ZFP91: variants seen among roughly 807,000 people sequenced by gnomAD.
ZFP91 encodes the protein E3 ubiquitin-protein ligase ZFP91.
A neutral mutation model predicts 63.5 loss-of-function variants in ZFP91; 7 were observed. The observed-to-expected ratio is 0.11, with a 90% CI of 0.06 to 0.21. The LOEUF is 0.21. Among genes scored for constraint, ZFP91 ranks in the 10% least tolerant of loss-of-function variants. The probability of loss-of-function intolerance (pLI) is 1.00; values close to 1 mark genes in which losing one functional copy is unlikely to be tolerated. For missense variants in ZFP91, 628 were observed against 736.6 expected (o/e 0.85, Z 1.71); for synonymous variants, 330 against 272.1 (o/e 1.21, Z -2.10).
At chr11:58,599,306 T>A (rs1249729125) in intron 2 of ZFP91, among the ~76,000 whole-genome samples, 1 of 152,000 alleles carries the variant, frequency 6.6e-6, no homozygotes, top group African/African-American at 2.4e-5. Flanking sequence ...CTGTTTTCAA[T>A]TTTTGGTGTA....
intron 1 of ZFP91, among the ~76,000 whole-genome samples, chr11:58,580,157 A>G (rs1855087521): frequency 6.7e-6 from 1 of 148,662 alleles, no homozygotes; most frequent in Non-Finnish European, 1.5e-5. Context: ...GAAATTTGCC[A>G]CTTATTATGG....
intron 2 of ZFP91, among the ~76,000 whole-genome samples, chr11:58,602,353 A>C (rs916680870): frequency 6.6e-6 from 1 of 152,160 alleles, no homozygotes; most frequent in Non-Finnish European, 1.5e-5. Flanking sequence ...AGTGGGATAC[A>C]GATGTCTCCA....
At chr11:58,582,880 C>G (rs1325259912) in intron 1 of ZFP91, among the ~76,000 whole-genome samples, 1 of 151,910 alleles carries the variant, frequency 6.6e-6, no homozygotes, top group South Asian at 2.1e-4. Flanking sequence ...TCATTGTGCT[C>G]AAGAGAAGCA....
At chr11:58,590,786 G>A (rs562014576) in intron 2 of ZFP91, among the ~76,000 whole-genome samples, 1 of 152,100 alleles carries the variant, frequency 6.6e-6, no homozygotes, top group East Asian at 1.9e-4. Flanking sequence ...TTTAAGAGTG[G>A]GATTGATTCT....
intron 2 of ZFP91, among the ~76,000 whole-genome samples, chr11:58,604,611 C>T (rs1309524280): frequency 2.0e-5 from 3 of 152,214 alleles, no homozygotes; most frequent in African/African-American, 7.2e-5. Flanking sequence ...TACTTTGAAC[C>T]TGTTTGTGTC....
chr11:58,618,284 C>G lies in ZFP91; in HGVS notation c.*578C>G, dbSNP rs1034418299. On this transcript the variant is annotated 3_prime_UTR_variant, in exon 11 of 11. Coordinates refer to ENST00000316059, the MANE Select transcript of ZFP91 (RefSeq NM_053023.5). The stretch of plus-strand genomic sequence containing the variant: ...CTCATCCCCTCTTCCTTTATTCCCC[C>G]CTGGGTTTCAGAAAGGAAGGATATA... 5.3e-5 allele frequency: 9 copies of G among 168,296 alleles called. No homozygotes were observed. Among genetic ancestry groups the G allele is most frequent in the African/African-American group, 1.4e-4 (6 of 41,700 alleles). The allele number at this position is 168,296 out of a possible 1,614,324, so 10.4% of individuals were successfully genotyped here.
intron 4 of ZFP91, 68 bp downstream of exon 4, chr11:58,610,402 A>G: frequency 7.1e-7 from 1 of 1,408,658 alleles, no homozygotes. Context: ...TAAATGATTC[A>G]GAAGTTGCTT....
chr11:58,611,473 G>T, intron 5 of ZFP91, 131 bp from the exon 6 acceptor site: 1 of 1,200,664 alleles, frequency 8.3e-7, no homozygotes, highest in Non-Finnish European at 1.2e-6. Context: ...TGATTGGTAG[G>T]AAATCACATT....
rs963945071 is a variant in ZFP91, at chr11:58,579,335, G to A, written c.54G>A (p.Gly18=). 15 of 1,495,494 alleles carry A rather than the reference G, an allele frequency of 1.0e-5. No homozygotes were observed. The highest frequency in any genetic ancestry group is 1.3e-5 in the Non-Finnish European group (15 of 1,126,932). 92.6% of individuals were successfully genotyped at this position (1,495,494 alleles called of 1,614,324 possible). The change falls in exon 1 of 11, where the codon GGG becomes GGA. Residue 18 remains glycine, a synonymous_variant. Transcript: ENST00000316059. ...PRPPEQQDQE[G]GEAAKAAPEE... ...CCCCGGAGCAGCAGGACCAGGAAGGGGGAGAGGCGGCCAAGGCGGCTCCGG... is the reference window on the plus strand; with the variant it reads ...CCCCGGAGCAGCAGGACCAGGAAGGAGGAGAGGCGGCCAAGGCGGCTCCGG...
intron 3 of ZFP91, 47 bp downstream of exon 3, chr11:58,610,086 C>G (rs767819892): frequency 1.3e-6 from 2 of 1,591,208 alleles, no homozygotes; most frequent in Non-Finnish European, 1.7e-6. Flanking sequence ...GTTGCTGTTA[C>G]ATTTTAAATG....
At chr11:58,580,864 C>G (rs942712178) in intron 1 of ZFP91, among the ~76,000 whole-genome samples, 1 of 152,210 alleles carries the variant, frequency 6.6e-6, no homozygotes, top group African/African-American at 2.4e-5. Context: ...CTTACAGATT[C>G]AGCTGCAATT....
At chr11:58,604,575 G>C (rs546031194) in intron 2 of ZFP91, among the ~76,000 whole-genome samples, 8 of 152,218 alleles carry the variant, frequency 5.3e-5, no homozygotes, top group South Asian at 2.1e-4. Flanking sequence ...CTTACTATTC[G>C]CATGTAATAT....
chr11:58,619,726 G>A lies in ZFP91; in HGVS notation c.*2020G>A, dbSNP rs1321543554. The stretch of plus-strand genomic sequence containing the variant: ...GATTTGCCATTTCTCCATAATATGG[G>A]GATAGAAAATGGAATAAAGATAGAA... On this transcript the variant is annotated 3_prime_UTR_variant, in exon 11 of 11. Transcript: ENST00000316059. 6.6e-6 allele frequency: 1 copy of A among 152,492 alleles called. No individual in the cohort carries two copies. Among genetic ancestry groups the A allele is most frequent in the East Asian group, 1.9e-4 (1 of 5,186 alleles). 9.4% of individuals were successfully genotyped at this position (152,492 alleles called of 1,614,324 possible).
intron 1 of ZFP91, among the ~76,000 whole-genome samples, chr11:58,582,702 A>G (rs771640960): frequency 2.6e-5 from 4 of 152,162 alleles, no homozygotes; most frequent in Non-Finnish European, 5.9e-5. Flanking sequence ...TAACCTCTTC[A>G]TTTATAATTG....
At chr11:58,594,044 A>G (rs1855354021) in intron 2 of ZFP91, among the ~76,000 whole-genome samples, 2 of 152,154 alleles carry the variant, frequency 1.3e-5, no homozygotes, top group Non-Finnish European at 2.9e-5. Flanking sequence ...TCTTGCCCCT[A>G]CCTAGCTCAT....
At position 58,579,295 on chromosome 11, in the gene ZFP91, C is replaced by A. The variant is rs1290367780; in HGVS notation, c.14C>A (p.Thr5Lys). The A allele has an allele frequency of 4.1e-6, 6 of 1,463,498 alleles. No homozygotes were observed. Among genetic ancestry groups the A allele is most frequent in the Admixed American group, 2.7e-5 (1 of 36,906 alleles). The allele number at this position is 1,463,498 out of a possible 1,614,324, so 90.7% of individuals were successfully genotyped here. ...GGACAAGCCCCGATGCCGGGGGAGA[C>A]GGAAGAGCCGAGACCCCCGGAGCAG... Reference protein sequence around the residue: MPGETEEPRPPEQQD... With the variant: MPGEKEEPRPPEQQD... Residue 5 changes from threonine (T) to lysine (K), a missense_variant, in exon 1 of 11, where the codon ACG becomes AAG. Around this residue, in one of 3 missense-constraint regions of ZFP91, gnomAD observed 437 missense variants for 380.3 expected, o/e 1.15. Transcript: ENST00000316059.
rs1855834516 is a variant in ZFP91, at chr11:58,620,645, C to T, written c.*2939C>T. 1 of 152,596 alleles carries T rather than the reference C, an allele frequency of 6.6e-6. No individual in the cohort carries two copies. Among genetic ancestry groups the T allele is most frequent in the Non-Finnish European group, 1.5e-5 (1 of 68,034 alleles). 9.5% of individuals were successfully genotyped at this position (152,596 alleles called of 1,614,324 possible). A position where few individuals can be genotyped will look rare whatever the true frequency, so the allele number is the denominator to read the frequency against. ...TATAGACTAGCATCCACATAGAGCA[C>T]TTGAACCTCCTTTGTACCTGTTTGG... On this transcript the variant is annotated 3_prime_UTR_variant, in exon 11 of 11. Coordinates refer to ENST00000316059, the MANE Select transcript of ZFP91 (RefSeq NM_053023.5).
chr11:58,597,738 A>G (rs1855425889), intron 2 of ZFP91, among the ~76,000 whole-genome samples: 1 of 152,176 alleles, frequency 6.6e-6, no homozygotes, highest in East Asian at 1.9e-4. Flanking sequence ...CAGTGGCTTC[A>G]CAAATTTCCT....
Position 58,616,718 on chromosome 11 carries a change from C to G in ZFP91, c.1105C>G (p.Gln369Glu). The change falls in exon 10 of 11, where the codon CAA becomes GAA. Residue 369 changes from glutamine (Q) to glutamate (E), a missense_variant and splice_region_variant. Coordinates refer to ENST00000316059, the MANE Select transcript of ZFP91 (RefSeq NM_053023.5). The part of the protein sequence containing the change: ...LLRHAKHHTD[Q>E]RDYICEYCAR... ...TAACCACAGTATTTTCTTCATAGATCAAAGGGATTATATCTGTGAATATTG... is the reference window on the plus strand; with the variant it reads ...TAACCACAGTATTTTCTTCATAGATGAAAGGGATTATATCTGTGAATATTG... 6.2e-7 allele frequency: 1 copy of G among 1,612,586 alleles called. No individual in the cohort carries two copies. The highest frequency in any genetic ancestry group is 8.5e-7 in the Non-Finnish European group (1 of 1,178,960).
Sources: allele counts gnomAD v4.1 joint callset (sites outside exome capture counted in the v4.1 genomes callset), GRCh38; gene constraint gnomAD v4.1.1; regional missense constraint gnomAD v4.1.1; transcripts MANE v1.5; gene names NCBI Gene and HGNC (gene_info 2026-07-23, HGNC 2026-07-21).